Variants in TMEM132D observed in about 807,000 individuals in gnomAD.
TMEM132D encodes the protein mature OL transmembrane protein.
In TMEM132D, 21 loss-of-function variants were observed where a neutral mutation model predicts 62.3. The observed-to-expected ratio is 0.34, with a 90% CI of 0.24 to 0.49. The LOEUF (loss-of-function observed/expected upper bound fraction) is 0.49. Ranked by LOEUF, TMEM132D falls within the 20% of genes least tolerant of loss-of-function variation. TMEM132D has a pLI of 0.99. For synonymous variants in TMEM132D, 621 were observed against 575.6 expected (o/e 1.08, Z -1.13); for missense variants, 1,346 against 1,402.8 (o/e 0.96, Z 0.65).
At chr12:129,836,519 C>T (rs1000293685) in intron 1 of TMEM132D, among the ~76,000 whole-genome samples, 2 of 149,690 alleles carry the variant, frequency 1.3e-5, no homozygotes, top group South Asian at 2.2e-4. Context: ...TGTGTGTGCG[C>T]GCGTGTGTGT....
intron 2 of TMEM132D, among the ~76,000 whole-genome samples, chr12:129,535,712 T>C (rs1876362632): frequency 6.6e-6 from 1 of 151,770 alleles, no homozygotes; most frequent in Non-Finnish European, 1.5e-5. Context: ...ATTGATGAGA[T>C]AAAAGTGGGA....
intron 3 of TMEM132D, among the ~76,000 whole-genome samples, chr12:129,517,834 C>T (rs998457739): frequency 3.0e-4 from 45 of 152,260 alleles, no homozygotes; most frequent in African/African-American, 1.0e-3. Flanking sequence ...AGAAATTATG[C>T]TTGGCTTCTT....
intron 3 of TMEM132D, among the ~76,000 whole-genome samples, chr12:129,501,117 A>G (rs1160152177): frequency 6.6e-6 from 1 of 152,222 alleles, no homozygotes; most frequent in Non-Finnish European, 1.5e-5. Context: ...TTCCCAGGCT[A>G]TAGAAAAAGG....
chr12:129,329,277 A>G (rs926480012), intron 4 of TMEM132D, among the ~76,000 whole-genome samples: 2 of 152,128 alleles, frequency 1.3e-5, no homozygotes, highest in African/African-American at 4.8e-5. Context: ...CAATGCAAGA[A>G]GGTGCTTTAG....
Position 129,500,051 on chromosome 12 carries a change from T to A in TMEM132D, c.1115+31008A>T, listed in dbSNP as rs375305643. On this transcript the variant is annotated intron_variant, in intron 3 of 8. Transcript: ENST00000422113. ...TTCACCTGACCTCATCTGTCCCCCA[T>A]CAGTCAGTTACCTCCAATACATACC... Among the ~76,000 whole-genome samples the A allele has an allele frequency of 6.9e-5, 10 of 144,892 alleles. No individual in the cohort carries two copies. In the East Asian group the frequency reaches 2.1e-3, roughly 31 times the overall value.
chr12:129,078,910 G>A (rs972564699), intron 7 of TMEM132D, among the ~76,000 whole-genome samples, 185 bp from the exon 8 acceptor site: 4 of 152,166 alleles, frequency 2.6e-5, no homozygotes, highest in Non-Finnish European at 5.9e-5. Flanking sequence ...AAAATGTAAT[G>A]CATTTTTTGC....
At chr12:129,499,143 T>C (rs990925611) in intron 3 of TMEM132D, among the ~76,000 whole-genome samples, 1 of 152,224 alleles carries the variant, frequency 6.6e-6, no homozygotes. Flanking sequence ...GAACCTTATC[T>C]TCCAGTGGAA....
At chr12:129,446,743 A>G (rs186018843) in intron 3 of TMEM132D, among the ~76,000 whole-genome samples, 6 of 152,296 alleles carry the variant, frequency 3.9e-5, no homozygotes, top group African/African-American at 9.6e-5. Flanking sequence ...TGTCAAAAAT[A>G]TATTCCAGGC....
chr12:129,308,763 GC>G (rs1881901699), intron 4 of TMEM132D, among the ~76,000 whole-genome samples: 1 of 152,154 alleles, frequency 6.6e-6, no homozygotes, highest in Non-Finnish European at 1.5e-5. Context: ...ACATAATTCA[GC>G]CAATTTTGGG....
intron 1 of TMEM132D, among the ~76,000 whole-genome samples, chr12:129,822,677 G>A (rs573682645): frequency 1.3e-5 from 2 of 152,298 alleles, no homozygotes; most frequent in South Asian, 2.1e-4. Flanking sequence ...ACCTACAAGC[G>A]TGGCGGAAGG....
intron 5 of TMEM132D, among the ~76,000 whole-genome samples, chr12:129,130,096 T>C (rs917707831): frequency 6.6e-6 from 1 of 151,210 alleles, no homozygotes; most frequent in Non-Finnish European, 1.5e-5. Flanking sequence ...TGCTGAGGTA[T>C]TTATTGACCA....
intron 2 of TMEM132D, among the ~76,000 whole-genome samples, chr12:129,628,924 C>T (rs1444390991): frequency 1.3e-5 from 2 of 150,760 alleles, no homozygotes; most frequent in Non-Finnish European, 3.0e-5. Flanking sequence ...ATTTCTATCT[C>T]TCTTTCTCTC....
At chr12:129,287,320 T>A (rs1294616599) in intron 4 of TMEM132D, among the ~76,000 whole-genome samples, 1 of 152,114 alleles carries the variant, frequency 6.6e-6, no homozygotes, top group Non-Finnish European at 1.5e-5. Flanking sequence ...AAGCACAGAA[T>A]TGAAAATGTA....
intron 4 of TMEM132D, among the ~76,000 whole-genome samples, chr12:129,291,956 G>A (rs921922705): frequency 1.3e-5 from 2 of 152,040 alleles, no homozygotes; most frequent in African/African-American, 2.4e-5. Context: ...TAAGGGGGAT[G>A]GGGGGAGTAA....
rs139407092 is a variant in TMEM132D, at chr12:129,825,605, C to T, written c.79+77656G>A. On this transcript the variant is annotated intron_variant, in intron 1 of 8. Coordinates refer to ENST00000422113, the MANE Select transcript of TMEM132D (RefSeq NM_133448.3). ...CCCAGTGTCTCTTCTCTGCCCCTTG[C>T]TGCATCTGGAGCCACTGTGTGTGCT... Among the ~76,000 whole-genome samples, 271 of 152,286 alleles carry T rather than the reference C, an allele frequency of 1.8e-3. 1 individual carries two copies. Among genetic ancestry groups the T allele is most frequent in the African/African-American group, 6.1e-3 (253 of 41,566 alleles).
At chr12:129,215,680 A>T (rs945209696) in intron 4 of TMEM132D, among the ~76,000 whole-genome samples, 2 of 151,924 alleles carry the variant, frequency 1.3e-5, no homozygotes, top group African/African-American at 4.8e-5. Context: ...AAGTGCAGGG[A>T]CTCTCTCTTG....
At chr12:129,842,075 C>G (rs1298737699) in intron 1 of TMEM132D, among the ~76,000 whole-genome samples, 6 of 148,234 alleles carry the variant, frequency 4.0e-5, no homozygotes, top group African/African-American at 1.5e-4. Context: ...GGACTACAGG[C>G]GCCCACCACC....
rs142232589 is a variant in TMEM132D at position 129,619,142 on chromosome 12, G to T, written c.968+80668C>A. On this transcript the variant is annotated intron_variant, in intron 2 of 8. Transcript: ENST00000422113. ...GGTCAGAGTTGAGGTTAATGCTGGA[G>T]GGGATAATGAGGCATGTCCCACCCC... 1.4e-3 allele frequency among the ~76,000 whole-genome samples: 214 copies of T among 152,284 alleles called. 2 individuals are homozygous for T. Among genetic ancestry groups the T allele is most frequent in the Middle Eastern group, 6.8e-3 (2 of 294 alleles).
At chr12:129,819,021 T>A (rs57526636) in intron 1 of TMEM132D, among the ~76,000 whole-genome samples, 1 of 151,554 alleles carries the variant, frequency 6.6e-6, no homozygotes, top group African/African-American at 2.4e-5. Context: ...GGTGACAGAG[T>A]GAGACTCTGT....
Sources: gnomAD v4.1 joint callset for allele counts (sites outside exome capture counted in the v4.1 genomes callset) on GRCh38, gnomAD v4.1.1 for gene constraint, MANE v1.5 for transcripts, NCBI Gene and HGNC (gene_info 2026-07-23, HGNC 2026-07-21) for gene names.